The following CD38 variants were observed in gnomAD, a reference collection of about 807,000 sequenced individuals.
CD38 encodes CD38 molecule.
A neutral mutation model predicts 36.3 loss-of-function variants in CD38; 31 were observed. The ratio of observed to expected loss-of-function variants is 0.85; its 90% confidence interval spans 0.64 to 1.15. The LOEUF is 1.15. Ranked by LOEUF, CD38 falls within the 50% of genes most tolerant of loss-of-function variation. The probability of loss-of-function intolerance (pLI) is 0.00; values close to 1 mark genes in which losing one functional copy is unlikely to be tolerated. For missense variants in CD38, 380 were observed against 371.9 expected, an observed-to-expected ratio of 1.02 and a Z score of -0.18; for synonymous variants, 131 against 135.2, an observed-to-expected ratio of 0.97 and a Z score of 0.22.
rs1387410332 is a variant in CD38 at position 15,852,024 on chromosome 4, A to G, written c.*3422A>G. 2 of 152,228 alleles carry G rather than the reference A, an allele frequency of 1.3e-5. No individual in the cohort carries two copies. The highest frequency in any genetic ancestry group is 1.3e-4 in the Admixed American group (2 of 15,280). 9.4% of individuals were successfully genotyped at this position (152,228 alleles called of 1,614,324 possible). A position where few individuals can be genotyped will look rare whatever the true frequency, so the allele number is the denominator to read the frequency against. Reference sequence around the variant, plus strand: ...TAATCTTATGAGACCGTCATCATATATGTGGTCCACTGTTTGGGCCATCAT... The same window carrying G: ...TAATCTTATGAGACCGTCATCATATGTGTGGTCCACTGTTTGGGCCATCAT... On this transcript the variant is annotated 3_prime_UTR_variant, in exon 8 of 8. Coordinates refer to ENST00000226279, the MANE Select transcript of CD38 (RefSeq NM_001775.4).
chr4:15,842,263 A>G (rs1475043436), intron 7 of CD38, among the ~76,000 whole-genome samples: 6 of 133,862 alleles, frequency 4.5e-5, no homozygotes, highest in African/African-American at 1.6e-4. Context: ...CTGACCCCCG[A>G]GCAGCCTAAC....
intron 1 of CD38, among the ~76,000 whole-genome samples, chr4:15,807,906 A>T (rs1359855503): frequency 6.6e-6 from 1 of 152,180 alleles, no homozygotes; most frequent in Non-Finnish European, 1.5e-5. Flanking sequence ...CTATGGAATA[A>T]ATTGGAGACT....
chr4:15,798,885 TG>T (rs1723156949), intron 1 of CD38, among the ~76,000 whole-genome samples: 1 of 152,226 alleles, frequency 6.6e-6, no homozygotes, highest in Non-Finnish European at 1.5e-5. Flanking sequence ...GTCTTTTGCT[TG>T]TTCTTATGTT....
chr4:15,798,827 T>TA (rs1723154724), intron 1 of CD38, among the ~76,000 whole-genome samples: 1 of 152,240 alleles, frequency 6.6e-6, no homozygotes, highest in Non-Finnish European at 1.5e-5. Flanking sequence ...ATTATCTTTT[T>TA]ATGTGTTTAT....
At chr4:15,823,437 T>G (rs1352995065) in intron 2 of CD38, among the ~76,000 whole-genome samples, 1 of 152,158 alleles carries the variant, frequency 6.6e-6, no homozygotes, top group Non-Finnish European at 1.5e-5. Context: ...GACAAAGGTC[T>G]AATATCCAGA....
At chr4:15,807,193 G>A (rs964012442) in intron 1 of CD38, among the ~76,000 whole-genome samples, 1 of 152,116 alleles carries the variant, frequency 6.6e-6, no homozygotes, top group African/African-American at 2.4e-5. Context: ...GAGATTTGGG[G>A]GAAAGGTTCA....
intron 1 of CD38, among the ~76,000 whole-genome samples, chr4:15,791,631 G>A (rs1722994191): frequency 1.0e-5 from 1 of 99,590 alleles, no homozygotes; most frequent in African/African-American, 5.9e-5. Context: ...GAGGTGGGGG[G>A]GTCAGCCCCC....
rs1389329777 is a variant in CD38, at chr4:15,850,593, C to G, written c.*1991C>G. The G allele has an allele frequency of 2.0e-5, 3 of 152,274 alleles. No homozygotes were observed. The highest frequency in any genetic ancestry group is 4.4e-5 in the Non-Finnish European group (3 of 68,102). 9.4% of individuals were successfully genotyped at this position (152,274 alleles called of 1,614,324 possible). A position where few individuals can be genotyped will look rare whatever the true frequency, so the allele number is the denominator to read the frequency against. ...GCACAGAGCTTCCTAAATAAGCAAGCACTCAACAGAGTTGGTTCCTTTCTT... is the reference window on the plus strand; with the variant it reads ...GCACAGAGCTTCCTAAATAAGCAAGGACTCAACAGAGTTGGTTCCTTTCTT... On this transcript the variant is annotated 3_prime_UTR_variant, in exon 8 of 8. Coordinates refer to ENST00000226279, the MANE Select transcript of CD38 (RefSeq NM_001775.4).
In CD38 at chr4:15,778,425, G is replaced by A. The variant is rs758688312; in HGVS notation, c.11G>A (p.Cys4Tyr). Reference sequence around the variant, plus strand: ...CCCGCCTGGAGCCCTATGGCCAACTGCGAGTTCAGCCCGGTGTCCGGGGAC... The same window carrying A: ...CCCGCCTGGAGCCCTATGGCCAACTACGAGTTCAGCCCGGTGTCCGGGGAC... MANCEFSPVSGDKP... is the reference protein window; with the variant it reads MANYEFSPVSGDKP... The change falls in exon 1 of 8, where the codon TGC (cysteine) becomes TAC (tyrosine). Residue 4 changes from cysteine (C) to tyrosine (Y), a missense_variant. Transcript: ENST00000226279. This position sits in a 1 kb window ranked among gnomAD's most constrained non-coding sequence, Gnocchi z 4.9. 4.3e-6 allele frequency: 7 copies of A among 1,613,566 alleles called. No individual in the cohort carries two copies. Among genetic ancestry groups the A allele is most frequent in the Non-Finnish European group, 4.2e-6 (5 of 1,179,852 alleles).
At chr4:15,807,555 G>C (rs183041500) in intron 1 of CD38, among the ~76,000 whole-genome samples, 20 of 152,208 alleles carry the variant, frequency 1.3e-4, no homozygotes, top group African/African-American at 3.4e-4. Flanking sequence ...TGTCAGGGGG[G>C]GCTGCACTGC....
At chr4:15,824,403 C>G (rs1269015233) in intron 2 of CD38, among the ~76,000 whole-genome samples, 2 of 151,358 alleles carry the variant, frequency 1.3e-5, no homozygotes, top group African/African-American at 4.9e-5. Context: ...TAAGAGGGAC[C>G]CTTAAATTTA....
intron 2 of CD38, among the ~76,000 whole-genome samples, chr4:15,819,019 AGTTCAT>A (rs1723673532): frequency 6.6e-6 from 1 of 151,712 alleles, no homozygotes; most frequent in South Asian, 2.1e-4. Context: ...AAAAGAGATG[AGTTCAT>A]GTCCTTTGCA....
intron 3 of CD38, chr4:15,826,053 T>C (rs1197005681): frequency 6.6e-6 from 1 of 152,112 alleles, no homozygotes; most frequent in Non-Finnish European, 1.5e-5. Context: ...AAGCTTATCT[T>C]ATTATAGCTT....
At chr4:15,840,600 TC>T (rs1266010438) in intron 7 of CD38, 62 bp downstream of exon 7, 9 of 921,878 alleles carry the variant, frequency 9.8e-6, no homozygotes, top group Non-Finnish European at 1.4e-5. Context: ...TTTCCTTTTT[TC>T]CTTAGCCTCC....
chr4:15,804,130 C>G (rs907017536), intron 1 of CD38, among the ~76,000 whole-genome samples: 6 of 151,804 alleles, frequency 4.0e-5, no homozygotes, highest in Non-Finnish European at 8.8e-5. Flanking sequence ...AAGTGCATGT[C>G]TTTTTTTTGG....
intron 1 of CD38, among the ~76,000 whole-genome samples, chr4:15,796,079 C>G (rs1365412820): frequency 6.6e-6 from 1 of 151,932 alleles, no homozygotes; most frequent in East Asian, 1.9e-4. Context: ...TTATCTCTAA[C>G]GTTGTCTAAG....
intron 1 of CD38, among the ~76,000 whole-genome samples, chr4:15,815,347 A>G (rs1416187066): frequency 6.6e-6 from 1 of 152,170 alleles, no homozygotes; most frequent in Non-Finnish European, 1.5e-5. Flanking sequence ...GAATCTATCA[A>G]TTACTTTGGG....
Position 15,778,350 on chromosome 4 carries a change from C to A in CD38, c.-65C>A. On this transcript the variant is annotated 5_prime_UTR_variant, in exon 1 of 8. Coordinates refer to ENST00000226279, the MANE Select transcript of CD38 (RefSeq NM_001775.4). The surrounding 1 kb of genome is among the most constrained non-coding windows in gnomAD (Gnocchi z 4.9). Reference sequence around the variant, plus strand: ...GGTGCAGTTTCAGAACCCAGCCAGCCTCTCTCTTGCTGCCTAGCCTCCTGC... The same window carrying A: ...GGTGCAGTTTCAGAACCCAGCCAGCATCTCTCTTGCTGCCTAGCCTCCTGC... The A allele has an allele frequency of 9.4e-7, 1 of 1,062,558 alleles. No homozygotes were observed. Among genetic ancestry groups the A allele is most frequent in the Non-Finnish European group, 1.5e-6 (1 of 689,612 alleles). The allele number at this position is 1,062,558 out of a possible 1,614,324, so 65.8% of individuals were successfully genotyped here. A position where few individuals can be genotyped will look rare whatever the true frequency, so the allele number is the denominator to read the frequency against.
chr4:15,794,530 T>C (rs768922758), intron 1 of CD38, among the ~76,000 whole-genome samples: 2 of 152,188 alleles, frequency 1.3e-5, no homozygotes, highest in Non-Finnish European at 2.9e-5. Context: ...GTGATTCTGA[T>C]TGGCCAAGTA....
Sources: gnomAD v4.1 joint callset for allele counts (sites outside exome capture counted in the v4.1 genomes callset) on GRCh38, gnomAD v4.1.1 for gene constraint, Gnocchi (gnomAD v3.1) non-coding constraint, MANE v1.5 for transcripts, NCBI Gene and HGNC (gene_info 2026-07-23, HGNC 2026-07-21) for gene names.